The following PRSS12 variants were observed in gnomAD, a reference collection of about 807,000 sequenced individuals.
PRSS12 encodes neurotrypsin.
PRSS12 carries 85 observed loss-of-function variants against 104.4 expected under a neutral mutation model. The observed-to-expected ratio is 0.81, with a 90% CI of 0.68 to 0.98. The LOEUF (loss-of-function observed/expected upper bound fraction) is 0.98, where lower values mean the gene tolerates loss of function less well. Ranked by LOEUF, PRSS12 falls within the 50% of genes least tolerant of loss-of-function variation. The pLI is 0.00. For synonymous variants in PRSS12, 454 were observed against 425.2 expected, an observed-to-expected ratio of 1.07 and a Z score of -0.83; for missense variants, 1,141 against 1,139.2, an observed-to-expected ratio of 1.00 and a Z score of -0.02.
At chr4:118,309,709 G>A (rs1183107022) in intron 7 of PRSS12, among the ~76,000 whole-genome samples, 1 of 152,190 alleles carries the variant, frequency 6.6e-6, no homozygotes, top group African/African-American at 2.4e-5. Flanking sequence ...TAAGGATTTA[G>A]GGAATACAAT....
At chr4:118,312,548 C>T (rs1743772037) in intron 7 of PRSS12, among the ~76,000 whole-genome samples, 1 of 152,008 alleles carries the variant, frequency 6.6e-6, no homozygotes. Context: ...TCAAGAGGAT[C>T]TTTATCTATA....
At chr4:118,283,305 A>T (rs1404961836) in intron 11 of PRSS12, among the ~76,000 whole-genome samples, 194 bp from the exon 12 acceptor site, 1 of 152,264 alleles carries the variant, frequency 6.6e-6, no homozygotes, top group South Asian at 2.1e-4. Flanking sequence ...CCTCATCTTC[A>T]TTTCATTATG....
At position 118,283,243 on chromosome 4, in the gene PRSS12, C is replaced by A. The variant is rs1268830428; in HGVS notation, c.2040-132G>T. The A allele has an allele frequency of 4.5e-6, 5 of 1,120,968 alleles. No homozygotes were observed. In the Admixed American group the frequency reaches 5.6e-5, roughly 13 times the overall value. The allele number at this position is 1,120,968 out of a possible 1,614,324, so 69.4% of individuals were successfully genotyped here. A position where few individuals can be genotyped will look rare whatever the true frequency, so the allele number is the denominator to read the frequency against. On this transcript the variant is annotated intron_variant, in intron 11 of 12. Transcript: ENST00000296498. ...CTTTTGTAAATTCAACCTTTCTTTC[C>A]ATTTATCTGACCCACCATTCCTGAT...
chr4:118,282,260 TC>T lies in PRSS12; in HGVS notation c.2321-18del, dbSNP rs752588491. 1.9e-6 allele frequency: 3 copies of T among 1,614,098 alleles called. No individual in the cohort carries two copies. The highest frequency in any genetic ancestry group is 2.5e-6 in the Non-Finnish European group (3 of 1,179,992). On this transcript the variant is annotated intron_variant, in intron 12 of 12. Transcript: ENST00000296498. ...AGGCTCGTCCTACTCAGACCAAACA[TC>T]TGATTAGTGGCATTCCAGATAACCA...
rs763514450 is a variant in PRSS12 at position 118,295,026 on chromosome 4, T to C, written c.1952A>G (p.Lys651Arg). 6.2e-7 allele frequency: 1 copy of C among 1,614,080 alleles called. No homozygotes were observed. Among genetic ancestry groups the C allele is most frequent in the Non-Finnish European group, 8.5e-7 (1 of 1,180,010 alleles). The change falls in exon 11 of 13, where the codon AAG (lysine) becomes AGG (arginine). Residue 651 changes from lysine (K) to arginine (R), a missense_variant. Transcript: ENST00000296498. ...GAGCCTGCCATCTCCATGGGATGAC[T>C]TCAGCCGGAGGGAAACCTGCCAAGG... is the stretch of plus-strand genomic sequence containing the variant. ...GWPWQVSLRL[K>R]SSHGDGRLLC...
intron 7 of PRSS12, among the ~76,000 whole-genome samples, chr4:118,312,359 TAC>T (rs112357551): frequency 1.2e-4 from 18 of 150,142 alleles, no homozygotes; most frequent in East Asian, 1.9e-4. Context: ...TTCATACACA[TAC>T]ACACACACAC....
At chr4:118,309,934 G>C (rs998401622) in intron 7 of PRSS12, among the ~76,000 whole-genome samples, 2 of 152,078 alleles carry the variant, frequency 1.3e-5, no homozygotes, top group East Asian at 3.9e-4. Context: ...CCCAAGAGTT[G>C]TTGGCTCCCC....
At chr4:118,343,311 C>T (rs1422813633) in intron 1 of PRSS12, among the ~76,000 whole-genome samples, 2 of 152,140 alleles carry the variant, frequency 1.3e-5, no homozygotes, top group Non-Finnish European at 2.9e-5. Context: ...GGAAGGATTG[C>T]TTGTACCCAG....
chr4:118,330,272 G>A (rs1723884709), intron 4 of PRSS12, among the ~76,000 whole-genome samples: 1 of 152,098 alleles, frequency 6.6e-6, no homozygotes, highest in Non-Finnish European at 1.5e-5. Context: ...ATGACTCCTG[G>A]TGAAATGCAA....
intron 4 of PRSS12, among the ~76,000 whole-genome samples, chr4:118,331,100 T>C (rs892708036): frequency 5.9e-5 from 9 of 152,286 alleles, no homozygotes; most frequent in Middle Eastern, 3.4e-3. Flanking sequence ...TTAGAGAAAC[T>C]TTCAGGCTTG....
chr4:118,299,712 T>TAAATAAAATAAATAAAATA (rs1743345145), intron 8 of PRSS12, among the ~76,000 whole-genome samples: 1 of 63,812 alleles, frequency 1.6e-5, no homozygotes, highest in Non-Finnish European at 3.3e-5. Context: ...ATAAATAAAA[T>TAAATAAAATAAATAAAATA]AAATAAAATA....
intron 4 of PRSS12, among the ~76,000 whole-genome samples, chr4:118,322,841 T>C (rs1216077970): frequency 6.6e-6 from 1 of 151,896 alleles, no homozygotes; most frequent in Non-Finnish European, 1.5e-5. Flanking sequence ...ATATGACCTG[T>C]GCACCAAATC....
At chr4:118,306,095 T>C (rs1208227746) in intron 8 of PRSS12, 1 of 152,238 alleles carries the variant, frequency 6.6e-6, no homozygotes, top group African/African-American at 2.4e-5. Context: ...CTAGATCATA[T>C]GGTAGTTCTA....
chr4:118,350,097 A>C (rs1188673544), intron 1 of PRSS12, among the ~76,000 whole-genome samples: 2 of 152,226 alleles, frequency 1.3e-5, no homozygotes, highest in African/African-American at 4.8e-5. Context: ...ATGCACAGTA[A>C]GTCCTAGCTA....
intron 7 of PRSS12, among the ~76,000 whole-genome samples, chr4:118,312,557 T>C (rs570168615): frequency 9.8e-5 from 15 of 152,318 alleles, no homozygotes; most frequent in Non-Finnish European, 1.9e-4. Context: ...TCTTTATCTA[T>C]AATTATTTCA....
In PRSS12 at chr4:118,282,146, C is replaced by A; in HGVS notation, c.2418G>T (p.Met806Ile). 6.2e-7 allele frequency: 1 copy of A among 1,614,204 alleles called. No individual in the cohort carries two copies. Among genetic ancestry groups the A allele is most frequent in the Non-Finnish European group, 8.5e-7 (1 of 1,180,036 alleles). ...GTTCATGGAGGTTTCCAGCACAAAG[C>A]ATTCTCCCTGTAAACCGACCCTTAT... ...ERYKGRFTGR[M>I]LCAGNLHEHK... Residue 806 changes from methionine to isoleucine, a missense_variant, in exon 13 of 13, where the codon ATG becomes ATT. By Grantham distance (10) the Met-to-Ile change is conservative. Transcript: ENST00000296498.
chr4:118,300,463 C>T (rs768209607), intron 8 of PRSS12, among the ~76,000 whole-genome samples: 1 of 152,052 alleles, frequency 6.6e-6, no homozygotes, highest in East Asian at 1.9e-4. Flanking sequence ...TTCAAACTAA[C>T]GCCATATTTA....
Position 118,284,812 on chromosome 4 carries a change from C to T in PRSS12, c.2040-1701G>A, listed in dbSNP as rs140599815. On this transcript the variant is annotated intron_variant, in intron 11 of 12. Transcript: ENST00000296498. ...TTCATCAGCTCTACCTATTTTGTGC[C>T]GGCATCTAACTGTTAAAGTGGGGAA... 2.0e-4 allele frequency among the ~76,000 whole-genome samples: 31 copies of T among 152,250 alleles called. No homozygotes were observed. In the East Asian group the frequency reaches 5.0e-3, roughly 25 times the overall value.
At chr4:118,299,115 T>C (rs1186328221) in intron 8 of PRSS12, among the ~76,000 whole-genome samples, 177 bp from the exon 9 acceptor site, 3 of 152,228 alleles carry the variant, frequency 2.0e-5, no homozygotes, top group Non-Finnish European at 2.9e-5. Flanking sequence ...AGGTATTAAC[T>C]ATACTTTCCC....
Sources: gnomAD v4.1 joint callset for allele counts (sites outside exome capture counted in the v4.1 genomes callset) on GRCh38, gnomAD v4.1.1 for gene constraint, MANE v1.5 for transcripts, NCBI Gene and HGNC (gene_info 2026-07-23, HGNC 2026-07-21) for gene names.